FANCL: variants seen among roughly 807,000 people sequenced by gnomAD.
FANCL encodes E3 ubiquitin-protein ligase FANCL.
A neutral mutation model predicts 59.4 loss-of-function variants in FANCL; 69 were observed. That is an observed-to-expected ratio of 1.16 (90% CI 0.96 to 1.42). FANCL has a LOEUF of 1.42. FANCL is among the 40% of genes most tolerant of loss of function. FANCL has a pLI of 0.00. For synonymous variants in FANCL, 180 were observed against 147.1 expected (o/e 1.22, Z -1.62); for missense variants, 519 against 447.2 (o/e 1.16, Z -1.45).
At chr2:58,239,732 A>C (rs1315349984) in intron 1 of FANCL, among the ~76,000 whole-genome samples, 1 of 152,176 alleles carries the variant, frequency 6.6e-6, no homozygotes, top group Non-Finnish European at 1.5e-5. Context: ...GCCTGATTTG[A>C]CCTCAAATGG....
At position 58,222,017 on chromosome 2, in the gene FANCL, T is replaced by C; in HGVS notation, c.299A>G (p.Glu100Gly). The change falls in exon 5 of 14, where the codon GAG becomes GGG. Residue 100 changes from glutamate to glycine, a missense_variant. Coordinates refer to ENST00000233741, the MANE Select transcript of FANCL (RefSeq NM_018062.4). ...LLEVALKNRQ[E>G]LYALPPPPQF... ...GGGAGGAGGAGGTAGTGCATACAGC[T>C]CTTGTCTATTCTTTAAGGCAACTTC... 6.2e-7 allele frequency: 1 copy of C among 1,613,364 alleles called. No individual in the cohort carries two copies. The highest frequency in any genetic ancestry group is 8.5e-7 in the Non-Finnish European group (1 of 1,179,438).
At chr2:58,165,896 A>C in intron 7 of FANCL, 22 bp from the exon 8 acceptor site, 1 of 1,610,350 alleles carries the variant, frequency 6.2e-7, no homozygotes, top group Non-Finnish European at 8.5e-7. Flanking sequence ...ATGAAAGTTG[A>C]ATAAGTTATA....
chr2:58,190,802 A>G (rs1436288270), intron 7 of FANCL, among the ~76,000 whole-genome samples: 1 of 151,968 alleles, frequency 6.6e-6, no homozygotes, highest in Non-Finnish European at 1.5e-5. Flanking sequence ...TCTACTATTT[A>G]CAAACTCCAA....
intron 5 of FANCL, among the ~76,000 whole-genome samples, chr2:58,208,165 T>G (rs907665832): frequency 6.6e-6 from 1 of 152,168 alleles, no homozygotes; most frequent in Non-Finnish European, 1.5e-5. Context: ...AATAATGATT[T>G]AGGAAACAAT....
chr2:58,208,021 T>G (rs947747660), intron 5 of FANCL, among the ~76,000 whole-genome samples: 27 of 152,222 alleles, frequency 1.8e-4, no homozygotes, highest in Non-Finnish European at 2.2e-4. Context: ...ATGGCACCAC[T>G]GCACTCTGGC....
At chr2:58,214,766 G>A (rs1239516979) in intron 5 of FANCL, among the ~76,000 whole-genome samples, 1 of 151,998 alleles carries the variant, frequency 6.6e-6, no homozygotes, top group Non-Finnish European at 1.5e-5. Context: ...CCCCACCTCA[G>A]CCCCCCAAAG....
intron 5 of FANCL, among the ~76,000 whole-genome samples, chr2:58,215,442 T>G (rs1006885687): frequency 1.3e-5 from 2 of 152,174 alleles, no homozygotes; most frequent in South Asian, 2.1e-4. Flanking sequence ...CTAAATGGAA[T>G]AGCTTGCTAA....
At chr2:58,177,559 C>T (rs866753308) in intron 7 of FANCL, among the ~76,000 whole-genome samples, 91 of 139,196 alleles carry the variant, frequency 6.5e-4, no homozygotes, top group African/African-American at 2.3e-3. Flanking sequence ...CATATTCTCA[C>T]TCATAGGTGG....
At position 58,204,315 on chromosome 2, in the gene FANCL, T is replaced by C. The variant is rs141162289; in HGVS notation, c.375-89A>G. On this transcript the variant is annotated intron_variant, in intron 5 of 13. Transcript: ENST00000233741. ...TGGTTGAATTTGAAATGAAAATATT[T>C]GCTATATTCCTATTAATCCATTATA... The C allele has an allele frequency of 2.4e-4, 233 of 965,194 alleles. 1 individual carries two copies. The African/African-American group carries it at 3.5e-3, about 14-fold the overall frequency. The allele number at this position is 965,194 out of a possible 1,614,324, so 59.8% of individuals were successfully genotyped here.
At chr2:58,165,687 C>CCCTT (rs1369536128) in intron 8 of FANCL, 37 bp downstream of exon 8, 12 of 1,612,738 alleles carry the variant, frequency 7.4e-6, no homozygotes, top group African/African-American at 1.3e-5. Context: ...CAAAATAAAA[C>CCCTT]ACCTAAAAAC....
At chr2:58,177,114 T>TAA (rs1163957179) in intron 7 of FANCL, among the ~76,000 whole-genome samples, 3 of 152,090 alleles carry the variant, frequency 2.0e-5, no homozygotes, top group Non-Finnish European at 4.4e-5. Context: ...TGGCAATCAT[T>TAA]AAAAAGTCAG....
At chr2:58,200,186 G>C (rs1377181906) in intron 6 of FANCL, among the ~76,000 whole-genome samples, 1 of 151,720 alleles carries the variant, frequency 6.6e-6, no homozygotes, top group Admixed American at 6.6e-5. Context: ...CAGATGATGT[G>C]CTTCAGAGTA....
chr2:58,169,270 C>G (rs557668812), intron 7 of FANCL, among the ~76,000 whole-genome samples: 15 of 152,284 alleles, frequency 9.9e-5, no homozygotes, highest in Non-Finnish European at 1.9e-4. Flanking sequence ...CAAACAAGGT[C>G]TGGAGTGGAC....
At chr2:58,202,387 TA>T (rs202212067) in intron 6 of FANCL, among the ~76,000 whole-genome samples, 71 of 145,898 alleles carry the variant, frequency 4.9e-4, no homozygotes, top group Middle Eastern at 3.5e-3. Flanking sequence ...TTTTTTTTCC[TA>T]AAAAAAAAAA....
intron 5 of FANCL, among the ~76,000 whole-genome samples, chr2:58,209,720 A>C (rs1690940964): frequency 6.6e-6 from 1 of 152,196 alleles, no homozygotes; most frequent in African/African-American, 2.4e-5. Context: ...AAATGAAAAA[A>C]TGTGACTTAA....
chr2:58,204,088 A>T, intron 6 of FANCL, 42 bp downstream of exon 6: 2 of 1,453,340 alleles, frequency 1.4e-6, no homozygotes, highest in Non-Finnish European at 1.9e-6. Flanking sequence ...TCATTTCACA[A>T]AGTATTTTCT....
chr2:58,169,058 G>A (rs533076757), intron 7 of FANCL, among the ~76,000 whole-genome samples: 1 of 152,306 alleles, frequency 6.6e-6, no homozygotes, highest in South Asian at 2.1e-4. Context: ...TGCTGGCTCT[G>A]AAAAGAGCAG....
chr2:58,195,099 C>T (rs1257080434), intron 7 of FANCL, among the ~76,000 whole-genome samples: 3 of 151,988 alleles, frequency 2.0e-5, no homozygotes, highest in Admixed American at 6.6e-5. Flanking sequence ...ATTTATATTG[C>T]TTGAGAGACA....
chr2:58,193,030 T>C (rs7597069), intron 7 of FANCL, among the ~76,000 whole-genome samples: 9,528 of 151,972 alleles, frequency 0.063, 987 homozygotes, highest in African/African-American at 0.22. Context: ...TTAAAATACT[T>C]AAGAAAAAAT....
Sources: gnomAD v4.1 joint callset for allele counts (sites outside exome capture counted in the v4.1 genomes callset) on GRCh38, gnomAD v4.1.1 for gene constraint, MANE v1.5 for transcripts, NCBI Gene and HGNC (gene_info 2026-07-23, HGNC 2026-07-21) for gene names.